CSMD1: variants seen among roughly 807,000 people sequenced by gnomAD.
CSMD1 encodes the protein CUB and Sushi multiple domains 1.
Under a neutral mutation model 417.5 loss-of-function variants are expected in CSMD1, and 213 were observed. The ratio of observed to expected loss-of-function variants is 0.51; its 90% CI spans 0.46 to 0.57. The LOEUF is 0.57. Ranked by LOEUF, CSMD1 falls within the 20% of genes least tolerant of loss-of-function variation. The pLI is 0.00. For synonymous variants in CSMD1, 2,862 were observed against 1,736.8 expected (o/e 1.65, Z -16.11); for missense variants, 6,923 against 4,529.7 (o/e 1.53, Z -15.17).
chr8:4,266,920 C>A lies in CSMD1; in HGVS notation c.415+153033G>T, dbSNP rs553250927. ...AAGAAACAAACTGATTAATAAAAAC[C>A]AAATGACATTTAGTAAAATATCTAT... On this transcript the variant is annotated intron_variant, in intron 3 of 69. Transcript: ENST00000635120. Among the ~76,000 whole-genome samples the A allele has an allele frequency of 4.0e-4, 41 of 103,422 alleles. 7 individuals carry two copies. Among genetic ancestry groups the A allele is most frequent in the African/African-American group, 1.0e-3 (39 of 38,316 alleles). 67.8% of individuals were successfully genotyped at this position (103,422 alleles called of 152,430 possible).
chr8:3,110,865 G>T (rs1816469704), intron 42 of CSMD1, among the ~76,000 whole-genome samples: 1 of 152,162 alleles, frequency 6.6e-6, no homozygotes. Flanking sequence ...GTGTTTTGCG[G>T]AAGCATTTCC....
chr8:4,524,169 G>C (rs575378454), intron 2 of CSMD1, among the ~76,000 whole-genome samples: 2 of 151,598 alleles, frequency 1.3e-5, no homozygotes, highest in African/African-American at 4.9e-5. Context: ...TATGTATAAA[G>C]AAAGCAGTGG....
chr8:3,082,626 G>T (rs370424027), intron 49 of CSMD1, among the ~76,000 whole-genome samples: 1 of 152,206 alleles, frequency 6.6e-6, no homozygotes, highest in East Asian at 1.9e-4. Context: ...GAATTGAAAA[G>T]AAAACAGCCA....
At chr8:4,845,592 G>C (rs912160121) in intron 1 of CSMD1, among the ~76,000 whole-genome samples, 15 of 152,290 alleles carry the variant, frequency 9.8e-5, no homozygotes, top group African/African-American at 3.6e-4. Context: ...AATATTTATT[G>C]GGTTCCTACC....
At chr8:3,919,588 T>G (rs1235049767) in intron 5 of CSMD1, among the ~76,000 whole-genome samples, 1 of 152,180 alleles carries the variant, frequency 6.6e-6, no homozygotes, top group Non-Finnish European at 1.5e-5. Flanking sequence ...GCTGTGTTAT[T>G]CTTGCTCAAG....
chr8:3,532,055 C>A (rs144632074), intron 10 of CSMD1, among the ~76,000 whole-genome samples: 1 of 152,332 alleles, frequency 6.6e-6, no homozygotes, highest in East Asian at 1.9e-4. Context: ...AGATCAGATA[C>A]TGCCTCATGA....
chr8:2,996,788 C>A (rs1320372392), intron 54 of CSMD1, among the ~76,000 whole-genome samples: 1 of 152,228 alleles, frequency 6.6e-6, no homozygotes. Flanking sequence ...TAATTCTGCA[C>A]ATCAGATATT....
intron 7 of CSMD1, among the ~76,000 whole-genome samples, chr8:3,643,501 A>C (rs2469374): frequency 8.6e-5 from 13 of 151,512 alleles, no homozygotes; most frequent in African/African-American, 3.2e-4. Flanking sequence ...AGGAGATCGA[A>C]ACCATCCTGG....
intron 1 of CSMD1, among the ~76,000 whole-genome samples, chr8:4,894,997 G>A (rs1024828019): frequency 3.9e-5 from 6 of 152,088 alleles, no homozygotes; most frequent in African/African-American, 9.7e-5. Flanking sequence ...TACTGCCTTC[G>A]GCAAGTAACT....
chr8:3,888,085 T>C (rs1006047055), intron 5 of CSMD1, among the ~76,000 whole-genome samples: 1 of 152,152 alleles, frequency 6.6e-6, no homozygotes, highest in Admixed American at 6.6e-5. Context: ...TTCTGCAATA[T>C]CATTAATTAA....
chr8:4,388,313 C>CAA (rs1803607047), intron 3 of CSMD1, among the ~76,000 whole-genome samples: 1 of 127,490 alleles, frequency 7.8e-6, no homozygotes, highest in Non-Finnish European at 1.6e-5. Context: ...TACACACACA[C>CAA]ACACACAGAC....
chr8:4,379,326 C>T (rs1328347340), intron 3 of CSMD1, among the ~76,000 whole-genome samples: 1 of 152,174 alleles, frequency 6.6e-6, no homozygotes, highest in African/African-American at 2.4e-5. Context: ...GACTAATTAG[C>T]TGTCACAAAT....
rs1190418928 is a variant in CSMD1, at chr8:4,690,715, G to T, written c.86-53157C>A. ...CATTATACTGCAGTTGTTTCACAGG[G>T]ATCTGAAATCTTGATATTATTATTT... On this transcript the variant is annotated intron_variant, in intron 1 of 69. Coordinates refer to ENST00000635120, the MANE Select transcript of CSMD1 (RefSeq NM_033225.6). 3.9e-5 allele frequency among the ~76,000 whole-genome samples: 6 copies of T among 152,064 alleles called. No homozygotes were observed. The South Asian group carries it at 1.2e-3, about 32-fold the overall frequency.
chr8:2,971,317 C>A (rs1011163227), intron 57 of CSMD1, among the ~76,000 whole-genome samples: 1 of 152,040 alleles, frequency 6.6e-6, no homozygotes, highest in East Asian at 1.9e-4. Flanking sequence ...AGTGTAGGAC[C>A]CAATCCGAGA....
At chr8:4,257,607 T>TGG (rs1803553428) in intron 3 of CSMD1, among the ~76,000 whole-genome samples, 2 of 152,212 alleles carry the variant, frequency 1.3e-5, no homozygotes, top group Non-Finnish European at 2.9e-5. Flanking sequence ...TAGGAAAATT[T>TGG]GGTGAAAAGT....
chr8:3,436,962 A>G (rs1285683072), intron 12 of CSMD1, among the ~76,000 whole-genome samples: 1 of 152,134 alleles, frequency 6.6e-6, no homozygotes, highest in African/African-American at 2.4e-5. Flanking sequence ...AAAAGAGAGA[A>G]AAAAGCATGC....
chr8:3,044,921 T>C (rs1811336249), intron 50 of CSMD1, among the ~76,000 whole-genome samples: 1 of 152,202 alleles, frequency 6.6e-6, no homozygotes, highest in African/African-American at 2.4e-5. Flanking sequence ...AAATACATAC[T>C]TGGACATTTA....
At chr8:3,632,529 G>A (rs1430875905) in intron 7 of CSMD1, among the ~76,000 whole-genome samples, 3 of 152,114 alleles carry the variant, frequency 2.0e-5, no homozygotes, top group Non-Finnish European at 2.9e-5. Context: ...GATGAGTATT[G>A]GTTAGAACAA....
chr8:4,092,566 C>T (rs75491979), intron 3 of CSMD1, among the ~76,000 whole-genome samples: 8,714 of 152,200 alleles, frequency 0.057, 484 homozygotes, highest in East Asian at 0.26. Flanking sequence ...AAATGTGATT[C>T]TCTTTCTTAA....
Sources: gnomAD v4.1 joint callset for allele counts (sites outside exome capture counted in the v4.1 genomes callset) on GRCh38, gnomAD v4.1.1 for gene constraint, MANE v1.5 for transcripts, NCBI Gene and HGNC (gene_info 2026-07-23, HGNC 2026-07-21) for gene names.